The following RBMS3 variants were observed in gnomAD, a reference collection of about 807,000 sequenced individuals.
RBMS3 encodes the protein RNA binding motif single stranded interacting protein 3.
RBMS3 carries 27 observed loss-of-function variants against 66.8 expected under a neutral mutation model. The ratio of observed to expected loss-of-function variants is 0.40; its 90% CI spans 0.30 to 0.56. RBMS3 has a LOEUF of 0.56. RBMS3 is among the 20% of genes least tolerant of loss of function. The probability of loss-of-function intolerance (pLI) is 0.40; values close to 1 mark genes in which losing one functional copy is unlikely to be tolerated. For missense variants in RBMS3, 513 were observed against 549.5 expected (o/e 0.93, Z 0.66); for synonymous variants, 188 against 183.0 (o/e 1.03, Z -0.22).
intron 3 of RBMS3, among the ~76,000 whole-genome samples, chr3:29,532,076 C>G (rs1432231602): frequency 3.3e-5 from 5 of 151,754 alleles, no homozygotes; most frequent in Non-Finnish European, 7.4e-5. Context: ...CAATACATGT[C>G]ACTTGTTTCC....
At chr3:29,526,520 C>CAAAAAAAAAAA (rs61483868) in intron 3 of RBMS3, among the ~76,000 whole-genome samples, 1 of 35,950 alleles carries the variant, frequency 2.8e-5, no homozygotes, top group Non-Finnish European at 5.5e-5. Flanking sequence ...GACTCCATCT[C>CAAAAAAAAAAA]AAAAAAAAAA....
chr3:29,578,787 CTTCTTTTTTTTT>C (rs2047215242), intron 3 of RBMS3, among the ~76,000 whole-genome samples: 1 of 119,272 alleles, frequency 8.4e-6, no homozygotes, highest in Non-Finnish European at 1.7e-5. Flanking sequence ...GTAATACATG[CTTCTTTTTTTTT>C]TTTTTTTTTT....
intron 3 of RBMS3, among the ~76,000 whole-genome samples, chr3:29,498,376 C>T (rs1331335148): frequency 1.3e-5 from 2 of 151,814 alleles, no homozygotes; most frequent in East Asian, 3.9e-4. Flanking sequence ...TATTTTTGTT[C>T]ATTAATGATT....
Position 29,762,918 on chromosome 3 carries a change from C to G in RBMS3, c.566C>G (p.Ser189Cys), listed in dbSNP as rs1049544172. The change falls in exon 6 of 15, where the codon TCT becomes TGT. Residue 189 changes from serine (S) to cysteine (C), a missense_variant. By Grantham distance (112) the Ser-to-Cys change is moderately radical. Coordinates refer to ENST00000383767, the MANE Select transcript of RBMS3 (RefSeq NM_001003793.3). The stretch of plus-strand genomic sequence containing the variant: ...TTACCTTTTTTTCCCAGAATGGAGT[C>G]TACTGAAAAATGTGAAGTGGTAATT... The part of the protein sequence containing the change: ...SRGVGFARME[S>C]TEKCEVVIQH... The G allele has an allele frequency of 6.2e-7, 1 of 1,605,394 alleles. No individual in the cohort carries two copies. The highest frequency in any genetic ancestry group is 8.5e-7 in the Non-Finnish European group (1 of 1,174,518).
rs550814575 is a variant in RBMS3 at position 29,792,620 on chromosome 3, C to T, written c.637+29631C>T. ...CCTCTCTTTGACTCAGCATTCTCATCTATATAATAAGAACAATTAAAGTAT... is the reference window on the plus strand; with the variant it reads ...CCTCTCTTTGACTCAGCATTCTCATTTATATAATAAGAACAATTAAAGTAT... On this transcript the variant is annotated intron_variant, in intron 6 of 14. Transcript: ENST00000383767. Among the ~76,000 whole-genome samples, 12 of 152,246 alleles carry T rather than the reference C, an allele frequency of 7.9e-5. No homozygotes were observed. The South Asian group carries it at 2.3e-3, about 29-fold the overall frequency.
chr3:29,741,633 A>AT (rs146240686), intron 5 of RBMS3, among the ~76,000 whole-genome samples: 4 of 152,108 alleles, frequency 2.6e-5, no homozygotes, highest in Admixed American at 6.5e-5. Context: ...CTACAGTGAT[A>AT]TTTTTTTCTT....
intron 2 of RBMS3, among the ~76,000 whole-genome samples, chr3:29,459,045 G>A (rs1465806550): frequency 1.3e-5 from 2 of 152,158 alleles, no homozygotes; most frequent in African/African-American, 4.8e-5. Context: ...CTTACCTTGG[G>A]AAGGTTAATC....
intron 6 of RBMS3, among the ~76,000 whole-genome samples, chr3:29,801,272 C>CTTTTTTTCTTTTTTTTTTTTTT (rs553179866): frequency 1.5e-5 from 2 of 129,476 alleles, no homozygotes; most frequent in Non-Finnish European, 3.2e-5. Flanking sequence ...TGCTTTTTTT[C>CTTTTTTTCTTTTTTTTTTTTTT]TTTTTTTTTT....
intron 6 of RBMS3, among the ~76,000 whole-genome samples, chr3:29,809,175 T>C (rs902788597): frequency 2.3e-4 from 35 of 151,884 alleles, no homozygotes; most frequent in South Asian, 8.4e-4. Context: ...TTTAATGACA[T>C]GTTATAAGAA....
chr3:29,868,149 A>C (rs550231141), intron 6 of RBMS3, among the ~76,000 whole-genome samples: 2 of 152,182 alleles, frequency 1.3e-5, no homozygotes, highest in African/African-American at 4.8e-5. Flanking sequence ...TTCAGACATC[A>C]GTTTTGGTCA....
intron 1 of RBMS3, among the ~76,000 whole-genome samples, chr3:29,401,524 T>C (rs2039809641): frequency 6.6e-6 from 1 of 152,070 alleles, no homozygotes; most frequent in Non-Finnish European, 1.5e-5. Context: ...GGAAGGGATG[T>C]TGCTTCTGCT....
At chr3:29,537,283 C>T (rs2045594078) in intron 3 of RBMS3, among the ~76,000 whole-genome samples, 1 of 152,102 alleles carries the variant, frequency 6.6e-6, no homozygotes, top group African/African-American at 2.4e-5. Flanking sequence ...CTAACTTTGG[C>T]CCTAAAGGCA....
chr3:29,707,737 C>T (rs917505172), intron 4 of RBMS3, among the ~76,000 whole-genome samples: 1 of 152,188 alleles, frequency 6.6e-6, no homozygotes, highest in African/African-American at 2.4e-5. Context: ...TTCTCTCTGC[C>T]ATGGGACAAT....
chr3:29,965,116 T>C (rs1242763480), intron 12 of RBMS3, among the ~76,000 whole-genome samples: 15 of 152,180 alleles, frequency 9.9e-5, no homozygotes, highest in Non-Finnish European at 1.5e-5. Flanking sequence ...ATCCGCTTTG[T>C]TGATTGATGG....
At chr3:29,480,965 T>C (rs995905724) in intron 2 of RBMS3, among the ~76,000 whole-genome samples, 1 of 152,122 alleles carries the variant, frequency 6.6e-6, no homozygotes, top group African/African-American at 2.4e-5. Context: ...GCACTAGAGC[T>C]GAGAGGCAAC....
At chr3:29,309,603 C>A (rs2034244823) in intron 1 of RBMS3, among the ~76,000 whole-genome samples, 1 of 150,040 alleles carries the variant, frequency 6.7e-6, no homozygotes, top group Admixed American at 6.7e-5. Context: ...AGGGAATATG[C>A]AGTGGTGGGG....
At chr3:29,528,935 G>A (rs1030747480) in intron 3 of RBMS3, among the ~76,000 whole-genome samples, 1 of 151,780 alleles carries the variant, frequency 6.6e-6, no homozygotes, top group Non-Finnish European at 1.5e-5. Context: ...GTAGAGATGG[G>A]GTTTCACCGT....
intron 1 of RBMS3, among the ~76,000 whole-genome samples, chr3:29,334,471 AAC>A (rs1575564648): frequency 1.3e-5 from 2 of 152,312 alleles, no homozygotes; most frequent in South Asian, 2.1e-4. Flanking sequence ...ATTTTTAAGA[AAC>A]AGTGTTCTGT....
intron 14 of RBMS3, among the ~76,000 whole-genome samples, chr3:29,999,224 C>T (rs912816473): frequency 6.6e-6 from 1 of 152,048 alleles, no homozygotes; most frequent in Non-Finnish European, 1.5e-5. Context: ...TATCATGTTA[C>T]ACCAGTTAGA....
Sources: allele counts gnomAD v4.1 joint callset (sites outside exome capture counted in the v4.1 genomes callset), GRCh38; gene constraint gnomAD v4.1.1; transcripts MANE v1.5; gene names NCBI Gene and HGNC (gene_info 2026-07-23, HGNC 2026-07-21).